Variants in DENND1B observed in about 807,000 individuals in gnomAD.
The protein encoded by DENND1B is DENN domain containing 1B.
In DENND1B, 59 loss-of-function variants were observed where a neutral mutation model predicts 90.1. That is an observed-to-expected ratio of 0.65 (90% CI 0.53 to 0.81). DENND1B has a LOEUF of 0.81. DENND1B is among the 40% of genes least tolerant of loss of function. DENND1B has a pLI of 0.00. For missense variants in DENND1B, 862 were observed against 912.6 expected, an observed-to-expected ratio of 0.94 and a Z score of 0.71; for synonymous variants, 337 against 324.6, an observed-to-expected ratio of 1.04 and a Z score of -0.41.
Position 197,510,313 on chromosome 1 carries a change from T to C in DENND1B, c.*147A>G. ...TATTTAAAAATCAATGCATTTCATA[T>C]ATCCTCGAAATGAACAAGTGAGAAA... is the stretch of plus-strand genomic sequence containing the variant. On this transcript the variant is annotated 3_prime_UTR_variant, in exon 23 of 23. Coordinates refer to ENST00000620048, the MANE Select transcript of DENND1B (RefSeq NM_001195215.2). 2 of 879,618 alleles carry C rather than the reference T, an allele frequency of 2.3e-6. No individual in the cohort carries two copies. Among genetic ancestry groups the C allele is most frequent in the South Asian group, 2.1e-5 (1 of 48,734 alleles). 54.5% of individuals were successfully genotyped at this position (879,618 alleles called of 1,614,324 possible).
At chr1:197,612,436 A>G (rs1419071291) in intron 11 of DENND1B, among the ~76,000 whole-genome samples, 1 of 150,558 alleles carries the variant, frequency 6.6e-6, no homozygotes, top group Non-Finnish European at 1.5e-5. Context: ...TCATTGATAC[A>G]TACCTCCTAT....
At chr1:197,677,476 G>T (rs1656208963) in intron 3 of DENND1B, among the ~76,000 whole-genome samples, 1 of 152,048 alleles carries the variant, frequency 6.6e-6, no homozygotes, top group Non-Finnish European at 1.5e-5. Context: ...TCAGAAACAC[G>T]GTAGTTACCA....
chr1:197,741,921 C>T (rs1663251180), intron 2 of DENND1B, among the ~76,000 whole-genome samples: 1 of 152,118 alleles, frequency 6.6e-6, no homozygotes, highest in South Asian at 2.1e-4. Context: ...GGAAGAACTT[C>T]ACTGAGCTTT....
At chr1:197,719,139 G>C (rs1320224395) in intron 2 of DENND1B, among the ~76,000 whole-genome samples, 1 of 152,160 alleles carries the variant, frequency 6.6e-6, no homozygotes, top group African/African-American at 2.4e-5. Context: ...ATTATGGAAT[G>C]AGTGAGTATG....
intron 13 of DENND1B, 141 bp from the exon 14 acceptor site, chr1:197,595,474 G>T: frequency 2.9e-6 from 3 of 1,043,524 alleles, no homozygotes; most frequent in Non-Finnish European, 1.4e-6. Flanking sequence ...CTTTTTAACT[G>T]CAGAGAGCAC....
At chr1:197,547,543 T>C (rs1046112284) in intron 16 of DENND1B, among the ~76,000 whole-genome samples, 5 of 152,158 alleles carry the variant, frequency 3.3e-5, no homozygotes, top group African/African-American at 4.8e-5. Flanking sequence ...CAAAAAACAA[T>C]TTTTATTCTG....
In DENND1B at chr1:197,772,949, T is replaced by C. The variant is rs1444430528; in HGVS notation, c.18-17A>G. On this transcript the variant is annotated splice_polypyrimidine_tract_variant and intron_variant, in intron 1 of 22. Coordinates refer to ENST00000620048, the MANE Select transcript of DENND1B (RefSeq NM_001195215.2). ...GGATTTGCCCTAAAAGGAAAAAGTT[T>C]AAATTAATTTCCTATGACAAATAAA... 3.2e-6 allele frequency: 5 copies of C among 1,543,184 alleles called. No individual in the cohort carries two copies. The highest frequency in any genetic ancestry group is 4.4e-6 in the Non-Finnish European group (5 of 1,140,610).
chr1:197,618,707 A>T lies in DENND1B; in HGVS notation c.673-948T>A, dbSNP rs554875311. ...TTAAATCAGCATTCTTAATCATTTT[A>T]AAGTTTTGCTATAGTCTGTATTTCA... On this transcript the variant is annotated intron_variant, in intron 10 of 22. Transcript: ENST00000620048. Among the ~76,000 whole-genome samples, 8 of 151,282 alleles carry T rather than the reference A, an allele frequency of 5.3e-5. No homozygotes were observed. The South Asian group carries it at 1.5e-3, about 27-fold the overall frequency.
intron 3 of DENND1B, among the ~76,000 whole-genome samples, chr1:197,700,203 A>G (rs940128681): frequency 6.6e-6 from 1 of 152,210 alleles, no homozygotes; most frequent in African/African-American, 2.4e-5. Context: ...GCATCACGCT[A>G]CCTGACTTCA....
chr1:197,703,958 A>C (rs1659279732), intron 3 of DENND1B, among the ~76,000 whole-genome samples: 1 of 152,136 alleles, frequency 6.6e-6, no homozygotes, highest in Admixed American at 6.6e-5. Context: ...TCCCTCAAAA[A>C]TAAACTTTTT....
Position 197,611,936 on chromosome 1 carries a change from T to C in DENND1B, c.814A>G (p.Ile272Val). Residue 272 changes from isoleucine to valine, a missense_variant, in exon 12 of 23, where the codon ATA becomes GTA. By Grantham distance (29) the Ile-to-Val change is conservative. Coordinates refer to ENST00000620048, the MANE Select transcript of DENND1B (RefSeq NM_001195215.2). ...CATGTCTGAAAGATACTCACCTCTA[T>C]GAGGCTGGAGTGTATTCCAATCAGG... is the stretch of plus-strand genomic sequence containing the variant. ...PYLIGIHSSL[I>V]ERVKNKSLED... 2 of 1,603,850 alleles carry C rather than the reference T, an allele frequency of 1.2e-6. No individual in the cohort carries two copies. The highest frequency in any genetic ancestry group is 1.1e-5 in the South Asian group (1 of 90,666).
chr1:197,773,823 T>A (rs546680575), intron 1 of DENND1B, among the ~76,000 whole-genome samples: 1 of 152,226 alleles, frequency 6.6e-6, no homozygotes, highest in South Asian at 2.1e-4. Context: ...AAAGATTAAG[T>A]CTGTTACCAC....
intron 2 of DENND1B, chr1:197,747,297 A>G (rs1372924750): frequency 1.7e-6 from 1 of 602,456 alleles, no homozygotes; most frequent in South Asian, 1.6e-5. Context: ...TTTTGGGTTC[A>G]TCTATCGAGA....
intron 20 of DENND1B, among the ~76,000 whole-genome samples, chr1:197,519,559 T>C (rs1026315364): frequency 2.6e-5 from 4 of 151,896 alleles, no homozygotes; most frequent in Non-Finnish European, 4.4e-5. Context: ...AAATGAGACA[T>C]GAATTAAATT....
At chr1:197,638,863 A>C (rs1680023299) in intron 10 of DENND1B, among the ~76,000 whole-genome samples, 1 of 41,758 alleles carries the variant, frequency 2.4e-5, no homozygotes, top group Non-Finnish European at 5.1e-5. Context: ...TAATGTATGA[A>C]TCAACAGAAT....
intron 15 of DENND1B, among the ~76,000 whole-genome samples, chr1:197,559,272 T>C (rs1382958332): frequency 1.3e-5 from 2 of 151,972 alleles, no homozygotes; most frequent in African/African-American, 4.8e-5. Context: ...TCTAGTATCA[T>C]TTTAAAAGAA....
upstream of DENND1B, among the ~76,000 whole-genome samples, chr1:197,778,293 T>C (rs1657348088): frequency 1.3e-5 from 2 of 152,234 alleles, no homozygotes; most frequent in Admixed American, 1.3e-4. Context: ...CAAATTTATC[T>C]AAAATTTTTA....
intron 2 of DENND1B, among the ~76,000 whole-genome samples, chr1:197,733,442 G>A (rs548705174): frequency 4.6e-5 from 7 of 152,078 alleles, no homozygotes; most frequent in East Asian, 3.9e-4. Context: ...CTTATTTTAC[G>A]GTCAGAGGTT....
rs912938316 is a variant in DENND1B, at chr1:197,541,128, A to G, written c.1351-113T>C. 1.1e-5 allele frequency: 11 copies of G among 960,444 alleles called. No individual in the cohort carries two copies. The African/African-American group carries it at 1.7e-4, about 15-fold the overall frequency. 59.5% of individuals were successfully genotyped at this position (960,444 alleles called of 1,614,324 possible). A position where few individuals can be genotyped will look rare whatever the true frequency, so the allele number is the denominator to read the frequency against. On this transcript the variant is annotated intron_variant, in intron 18 of 22. Transcript: ENST00000620048. Reference sequence around the variant, plus strand: ...TACTAAATATTCATATGATTTAGAAAAAGAACAGATTATAATCTAACATTC... The same window carrying G: ...TACTAAATATTCATATGATTTAGAAGAAGAACAGATTATAATCTAACATTC...
Sources: gnomAD v4.1 joint callset for allele counts (sites outside exome capture counted in the v4.1 genomes callset) on GRCh38, gnomAD v4.1.1 for gene constraint, MANE v1.5 for transcripts, NCBI Gene and HGNC (gene_info 2026-07-23, HGNC 2026-07-21) for gene names.